The following PPP2R5E variants were observed in gnomAD, a reference collection of about 807,000 sequenced individuals.
PPP2R5E encodes the protein serine/threonine-protein phosphatase 2A 56 kDa regulatory subunit epsilon isoform.
Under a neutral mutation model 65.3 loss-of-function variants are expected in PPP2R5E, and 4 were observed. That is an observed-to-expected ratio of 0.06 (90% CI 0.03 to 0.14). PPP2R5E has a LOEUF of 0.14. PPP2R5E is among the 10% of genes least tolerant of loss of function. The pLI is 1.00. For synonymous variants in PPP2R5E, 183 were observed against 187.4 expected, an observed-to-expected ratio of 0.98 and a Z score of 0.19; for missense variants, 274 against 556.1, an observed-to-expected ratio of 0.49 and a Z score of 5.10.
chr14:63,435,824 G>A (rs1420432150), intron 3 of PPP2R5E, among the ~76,000 whole-genome samples: 2 of 152,156 alleles, frequency 1.3e-5, no homozygotes, highest in Non-Finnish European at 2.9e-5. Flanking sequence ...ATTATCTCTA[G>A]AGTCTGTTAT....
chr14:63,473,976 TAA>T (rs1456486533), intron 2 of PPP2R5E, among the ~76,000 whole-genome samples: 4 of 152,168 alleles, frequency 2.6e-5, no homozygotes, highest in Non-Finnish European at 5.9e-5. Flanking sequence ...TTTGTATTAT[TAA>T]AACCTGAGGG....
chr14:63,380,314 C>T (rs1284750272), intron 13 of PPP2R5E, among the ~76,000 whole-genome samples: 1 of 151,838 alleles, frequency 6.6e-6, no homozygotes, highest in Non-Finnish European at 1.5e-5. Context: ...AAGTTTGGGG[C>T]AAGGAGGGTT....
chr14:63,482,399 C>T (rs1457642858), intron 2 of PPP2R5E, among the ~76,000 whole-genome samples: 6 of 152,128 alleles, frequency 3.9e-5, no homozygotes, highest in African/African-American at 1.4e-4. Flanking sequence ...GCAGAGGTTG[C>T]AGTGAGCCAA....
intron 13 of PPP2R5E, among the ~76,000 whole-genome samples, chr14:63,376,351 A>G (rs1883983061): frequency 6.6e-6 from 1 of 152,170 alleles, no homozygotes; most frequent in South Asian, 2.1e-4. Context: ...TTATCTCCAA[A>G]TAGTTTCTCA....
intron 2 of PPP2R5E, among the ~76,000 whole-genome samples, chr14:63,497,794 T>C (rs1891652462): frequency 6.6e-6 from 1 of 151,556 alleles, no homozygotes; most frequent in Non-Finnish European, 1.5e-5. Context: ...AAAAAACACA[T>C]GAACCTGCTC....
At chr14:63,488,938 T>C (rs1446392904) in intron 2 of PPP2R5E, among the ~76,000 whole-genome samples, 1 of 151,778 alleles carries the variant, frequency 6.6e-6, no homozygotes, top group Non-Finnish European at 1.5e-5. Flanking sequence ...CATGGAACTG[T>C]GTTACCCAAC....
chr14:63,427,321 A>G (rs1439599440), intron 3 of PPP2R5E, among the ~76,000 whole-genome samples: 1 of 152,210 alleles, frequency 6.6e-6, no homozygotes, highest in African/African-American at 2.4e-5. Context: ...ATCAAAAATG[A>G]ACAAAAGGAA....
At chr14:63,540,353 C>T (rs537606806) in intron 1 of PPP2R5E, among the ~76,000 whole-genome samples, 10 of 149,980 alleles carry the variant, frequency 6.7e-5, no homozygotes, top group African/African-American at 2.5e-4. Context: ...ACCGCTTGAA[C>T]CTGGGAGGCG....
At chr14:63,516,009 C>T (rs1892656957) in intron 2 of PPP2R5E, among the ~76,000 whole-genome samples, 1 of 151,790 alleles carries the variant, frequency 6.6e-6, no homozygotes, top group Non-Finnish European at 1.5e-5. Flanking sequence ...GCCACCACGC[C>T]TGGCTAGTTT....
intron 2 of PPP2R5E, among the ~76,000 whole-genome samples, chr14:63,517,205 T>TA (rs912654947): frequency 6.6e-6 from 1 of 151,792 alleles, no homozygotes; most frequent in African/African-American, 2.4e-5. Context: ...CAGCCTTGCT[T>TA]AAAAAAAATA....
chr14:63,428,194 C>T (rs1029379211), intron 3 of PPP2R5E, among the ~76,000 whole-genome samples: 4 of 152,154 alleles, frequency 2.6e-5, no homozygotes, highest in South Asian at 4.1e-4. Flanking sequence ...GCACAGTTTC[C>T]TTTCCGGTAC....
intron 2 of PPP2R5E, among the ~76,000 whole-genome samples, chr14:63,469,417 G>GC (rs1890001179): frequency 2.0e-5 from 3 of 152,228 alleles, no homozygotes; most frequent in Admixed American, 2.0e-4. Context: ...AAGTGGCCGG[G>GC]CGCGGTGGCT....
intron 11 of PPP2R5E, 134 bp downstream of exon 11, chr14:63,389,478 A>G: frequency 1.9e-6 from 2 of 1,075,718 alleles, no homozygotes; most frequent in Non-Finnish European, 2.6e-6. Flanking sequence ...GCTGGCCACT[A>G]TTAAAATTAT....
At chr14:63,416,077 G>C (rs1886668539) in intron 4 of PPP2R5E, among the ~76,000 whole-genome samples, 1 of 152,126 alleles carries the variant, frequency 6.6e-6, no homozygotes, top group Admixed American at 6.6e-5. Flanking sequence ...TAAACAGTGG[G>C]GAATCACTGC....
At chr14:63,381,668 A>G (rs1339110254) in intron 13 of PPP2R5E, among the ~76,000 whole-genome samples, 2 of 152,274 alleles carry the variant, frequency 1.3e-5, no homozygotes, top group Non-Finnish European at 2.9e-5. Context: ...CATTTCGGTC[A>G]ACACAGACCA....
At chr14:63,528,381 C>T (rs1255774) in intron 2 of PPP2R5E, among the ~76,000 whole-genome samples, 10 of 152,138 alleles carry the variant, frequency 6.6e-5, no homozygotes, top group Non-Finnish European at 1.2e-4. Flanking sequence ...TCCTCAAATA[C>T]GCAGAACAGA....
rs200567658 is a variant in PPP2R5E at position 63,395,542 on chromosome 14, AG to A, written c.681-258del. On this transcript the variant is annotated intron_variant, in intron 6 of 13. Transcript: ENST00000337537. ...GAAGAGAGGAGGAGGAGAGGAGGGA[AG>A]AGAGGAGGAGAGGAGGGAAGAGAGG... Among the ~76,000 whole-genome samples the A allele has an allele frequency of 5.2e-3, 120 of 22,970 alleles. 5 individuals carry two copies. The highest frequency in any genetic ancestry group is 0.018 in the African/African-American group (79 of 4,408). The allele number at this position is 22,970 out of a possible 152,430, so 15.1% of individuals were successfully genotyped here. A position where few individuals can be genotyped will look rare whatever the true frequency, so the allele number is the denominator to read the frequency against.
chr14:63,539,443 C>T, intron 2 of PPP2R5E, 86 bp downstream of exon 2: 1 of 1,408,106 alleles, frequency 7.1e-7, no homozygotes, highest in Non-Finnish European at 9.6e-7. Flanking sequence ...ATTTGCAACA[C>T]ATATAAAACT....
At chr14:63,423,143 G>A (rs1320527575) in intron 3 of PPP2R5E, among the ~76,000 whole-genome samples, 1 of 152,168 alleles carries the variant, frequency 6.6e-6, no homozygotes, top group Non-Finnish European at 1.5e-5. Context: ...CACCCACGCT[G>A]GAGTGCAGTG....
Sources: allele counts gnomAD v4.1 joint callset (sites outside exome capture counted in the v4.1 genomes callset), GRCh38; gene constraint gnomAD v4.1.1; transcripts MANE v1.5; gene names NCBI Gene and HGNC (gene_info 2026-07-23, HGNC 2026-07-21).